UVRAG: variants seen among roughly 807,000 people sequenced by gnomAD.
UVRAG encodes the protein UV radiation resistance associated.
UVRAG carries 19 observed loss-of-function variants against 78.0 expected under a neutral mutation model. That is an observed-to-expected ratio of 0.24 (90% confidence interval 0.17 to 0.36). The LOEUF (loss-of-function observed/expected upper bound fraction) is 0.36. Among genes scored for constraint, UVRAG ranks in the 10% least tolerant of loss-of-function variants. UVRAG has a pLI of 1.00. For synonymous variants in UVRAG, 323 were observed against 324.6 expected (o/e 1.00, Z 0.05); for missense variants, 740 against 853.8 (o/e 0.87, Z 1.66).
intron 7 of UVRAG, among the ~76,000 whole-genome samples, chr11:75,967,652 A>G (rs12285701): frequency 2.2e-3 from 341 of 152,312 alleles, no homozygotes; most frequent in African/African-American, 8.0e-3. Context: ...AAAAATAAGC[A>G]TATTTTTCTG....
chr11:75,988,183 T>C (rs961416270), intron 8 of UVRAG, among the ~76,000 whole-genome samples: 5 of 152,240 alleles, frequency 3.3e-5, no homozygotes, highest in African/African-American at 1.2e-4. Flanking sequence ...TTGATGAGTT[T>C]AGCTAATGTA....
chr11:76,049,103 C>A (rs1218435355), intron 12 of UVRAG, among the ~76,000 whole-genome samples: 1 of 152,234 alleles, frequency 6.6e-6, no homozygotes, highest in Non-Finnish European at 1.5e-5. Flanking sequence ...AAATGTAACA[C>A]TAACCCTGTG....
chr11:75,961,665 C>A, intron 7 of UVRAG, 116 bp downstream of exon 7: 1 of 701,128 alleles, frequency 1.4e-6, no homozygotes, highest in Non-Finnish European at 2.2e-6. Context: ...CTTAATTGTC[C>A]ACAGAGAGTT....
At chr11:76,083,696 A>T (rs534380890) in intron 13 of UVRAG, among the ~76,000 whole-genome samples, 2 of 151,954 alleles carry the variant, frequency 1.3e-5, no homozygotes, top group East Asian at 1.9e-4. Flanking sequence ...AAGCCAAAAA[A>T]TTTTTTTTTA....
intron 13 of UVRAG, among the ~76,000 whole-genome samples, chr11:76,071,326 G>T (rs1336529693): frequency 6.6e-6 from 1 of 152,174 alleles, no homozygotes; most frequent in Non-Finnish European, 1.5e-5. Flanking sequence ...AAGGTCATGG[G>T]AATAGCAAGG....
intron 5 of UVRAG, 111 bp downstream of exon 5, chr11:75,889,014 A>G: frequency 1.1e-6 from 1 of 897,184 alleles, no homozygotes; most frequent in Non-Finnish European, 1.6e-6. Context: ...CATGCTTTAA[A>G]TTTGTTGCTT....
chr11:76,077,070 G>A (rs1388930142), intron 13 of UVRAG, among the ~76,000 whole-genome samples: 1 of 149,162 alleles, frequency 6.7e-6, no homozygotes, highest in Non-Finnish European at 1.5e-5. Context: ...GTCAGTCAGA[G>A]ATTGTTCTTT....
At chr11:76,049,410 AT>A (rs1222912679) in intron 12 of UVRAG, among the ~76,000 whole-genome samples, 10 of 152,376 alleles carry the variant, frequency 6.6e-5, no homozygotes, top group African/African-American at 2.4e-4. Context: ...TAAAATGTAG[AT>A]TTGATGGTTT....
intron 14 of UVRAG, among the ~76,000 whole-genome samples, chr11:76,122,597 A>G (rs934852905): frequency 6.6e-6 from 1 of 152,228 alleles, no homozygotes; most frequent in Non-Finnish European, 1.5e-5. Context: ...TTTTAAAATC[A>G]AATGCATCCT....
At chr11:76,081,799 G>GA (rs1430496703) in intron 13 of UVRAG, among the ~76,000 whole-genome samples, 1 of 151,958 alleles carries the variant, frequency 6.6e-6, no homozygotes, top group East Asian at 1.9e-4. Context: ...CTGAAGATTA[G>GA]AAACAACTTA....
rs115551697 is a variant in UVRAG at position 75,917,673 on chromosome 11, A to G, written c.593+5634A>G. Among the ~76,000 whole-genome samples, 585 of 152,300 alleles carry G rather than the reference A, an allele frequency of 3.8e-3. 9 individuals carry two copies. Among genetic ancestry groups the G allele is most frequent in the African/African-American group, 0.013 (559 of 41,566 alleles). ...CCCCAAAGTGTCTGGAGCCACACTCATCGCGTTAATACTCCTCTTCCTTTT... is the reference window on the plus strand; with the variant it reads ...CCCCAAAGTGTCTGGAGCCACACTCGTCGCGTTAATACTCCTCTTCCTTTT... On this transcript the variant is annotated intron_variant, in intron 6 of 14. Coordinates refer to ENST00000356136, the MANE Select transcript of UVRAG (RefSeq NM_003369.4).
rs1471316442 is a variant in UVRAG, at chr11:76,140,958, TCCTCCTTGGATA to T, written c.1656_1667del (p.Thr553_Asp556del). ...CGAGAGAAAGATAACATCTCTATCC[TCCTCCTTGGATA>T]CCTCCTTGGACTTCTCCAAAGAAAA... is the stretch of plus-strand genomic sequence containing the variant. On this transcript the variant is annotated inframe_deletion, in exon 15 of 15. Transcript: ENST00000356136. 3 of 1,613,792 alleles carry T rather than the reference TCCTCCTTGGATA, an allele frequency of 1.9e-6. No individual in the cohort carries two copies. The highest frequency in any genetic ancestry group is 1.1e-5 in the South Asian group (1 of 91,076).
chr11:75,970,627 T>G (rs1248574117), intron 7 of UVRAG, among the ~76,000 whole-genome samples: 1 of 150,260 alleles, frequency 6.7e-6, no homozygotes, highest in African/African-American at 2.5e-5. Flanking sequence ...CAGTTACTTG[T>G]GAGGCTGAGG....
intron 14 of UVRAG, among the ~76,000 whole-genome samples, chr11:76,118,417 C>G (rs1320931583): frequency 6.6e-6 from 1 of 152,102 alleles, no homozygotes; most frequent in African/African-American, 2.4e-5. Context: ...TATTACAGAA[C>G]AGGAGCAGTG....
chr11:75,983,827 A>C, intron 8 of UVRAG: 1 of 205,420 alleles, frequency 4.9e-6, no homozygotes. Flanking sequence ...ATGTATCTAA[A>C]TATATCTAAG....
intron 13 of UVRAG, among the ~76,000 whole-genome samples, chr11:76,074,764 GAGTTAGAC>G (rs1413888859): frequency 6.6e-6 from 1 of 152,098 alleles, no homozygotes; most frequent in African/African-American, 2.4e-5. Flanking sequence ...ACAATTCTGT[GAGTTAGAC>G]AGGGCATAGA....
Position 76,013,465 on chromosome 11 carries a change from C to G in UVRAG, c.1061-3350C>G, listed in dbSNP as rs114999453. ...CACTAACAAAACTATTGTCTGTGAC[C>G]TTTCTAACCCCCAGAACAGCATAAG... On this transcript the variant is annotated intron_variant, in intron 11 of 14. Coordinates refer to ENST00000356136, the MANE Select transcript of UVRAG (RefSeq NM_003369.4). Among the ~76,000 whole-genome samples the G allele has an allele frequency of 9.7e-3, 1,472 of 152,270 alleles. 20 individuals are homozygous for G. The highest frequency in any genetic ancestry group is 0.034 in the African/African-American group (1,412 of 41,550).
chr11:76,016,833 T>C lies in UVRAG; in HGVS notation c.1079T>C (p.Ile360Thr), dbSNP rs1950154504. The C allele has an allele frequency of 2.5e-6, 4 of 1,599,082 alleles. No individual in the cohort carries two copies. The South Asian group carries it at 4.6e-5, about 18-fold the overall frequency. ...EDFQAKDDGS[I>T]AVALGYTAHL... is the part of the protein sequence containing the mutation. The stretch of plus-strand genomic sequence containing the variant: ...TTTACAGCAAAAGATGATGGAAGCA[T>C]TGCTGTTGCCCTTGGTTATACTGCA... The change falls in exon 12 of 15, where the codon ATT (isoleucine) becomes ACT (threonine). Residue 360 changes from isoleucine (I) to threonine (T), a missense_variant. Ile to Thr is a moderately conservative substitution (Grantham distance 89). Transcript: ENST00000356136.
At chr11:76,034,241 C>T (rs752892791) in intron 12 of UVRAG, among the ~76,000 whole-genome samples, 2 of 152,144 alleles carry the variant, frequency 1.3e-5, no homozygotes, top group Non-Finnish European at 2.9e-5. Flanking sequence ...CTCTGTCACT[C>T]AGGCTGGAAT....
Sources: allele counts gnomAD v4.1 joint callset (sites outside exome capture counted in the v4.1 genomes callset), GRCh38; gene constraint gnomAD v4.1.1; transcripts MANE v1.5; gene names NCBI Gene and HGNC (gene_info 2026-07-23, HGNC 2026-07-21).